SERINC5: variants seen among roughly 807,000 people sequenced by gnomAD.
The protein encoded by SERINC5 is serine incorporator 5.
SERINC5 carries 41 observed loss-of-function variants against 63.1 expected under a neutral mutation model. The observed-to-expected ratio is 0.65, with a 90% CI of 0.51 to 0.84. The LOEUF is 0.84. SERINC5 is among the 40% of genes least tolerant of loss of function. SERINC5 has a pLI of 0.00. For synonymous variants in SERINC5, 222 were observed against 215.2 expected, an observed-to-expected ratio of 1.03 and a Z score of -0.28; for missense variants, 523 against 573.0, an observed-to-expected ratio of 0.91 and a Z score of 0.89.
At position 80,140,392 on chromosome 5, in the gene SERINC5, A is replaced by C; in HGVS notation, c.*3271T>G. 2 of 984,550 alleles carry C rather than the reference A, an allele frequency of 2.0e-6. No individual in the cohort carries two copies. The highest frequency in any genetic ancestry group is 2.4e-6 in the Non-Finnish European group (2 of 829,696). The allele number at this position is 984,550 out of a possible 1,614,324, so 61.0% of individuals were successfully genotyped here. A position where few individuals can be genotyped will look rare whatever the true frequency, so the allele number is the denominator to read the frequency against. On this transcript the variant is annotated 3_prime_UTR_variant, in exon 12 of 12. Coordinates refer to ENST00000507668, the MANE Select transcript of SERINC5 (RefSeq NM_001174072.3). ...AATTAACATTACACTGAGGTTATTCATAATAAAGGATCTTCTGAGGAATCG... is the reference window on the plus strand; with the variant it reads ...AATTAACATTACACTGAGGTTATTCCTAATAAAGGATCTTCTGAGGAATCG...
chr5:80,173,278 GAAGA>G (rs1370184978), intron 5 of SERINC5, among the ~76,000 whole-genome samples: 19 of 126,836 alleles, frequency 1.5e-4, no homozygotes, highest in African/African-American at 5.6e-4. Context: ...AGGAAGGAAG[GAAGA>G]AAATGAAATG....
chr5:80,158,732 C>T, intron 8 of SERINC5, 104 bp downstream of exon 8: 3 of 1,102,872 alleles, frequency 2.7e-6, no homozygotes, highest in Non-Finnish European at 3.9e-6. Context: ...ATTTTCCCCC[C>T]TCCTCAAATG....
chr5:80,137,157 A>AC (rs796441688), downstream of SERINC5, among the ~76,000 whole-genome samples: 30 of 104,410 alleles, frequency 2.9e-4, no homozygotes, highest in African/African-American at 5.1e-4. Context: ...AAAAAAAAAA[A>AC]AAAAAACAAA....
chr5:80,249,210 G>C (rs1752291402), intron 1 of SERINC5, among the ~76,000 whole-genome samples: 1 of 152,094 alleles, frequency 6.6e-6, no homozygotes, highest in South Asian at 2.1e-4. Flanking sequence ...AGCTACTCGG[G>C]AGGCTGAGGC....
At chr5:80,226,778 G>T (rs908694652) in intron 1 of SERINC5, among the ~76,000 whole-genome samples, 2 of 152,138 alleles carry the variant, frequency 1.3e-5, no homozygotes, top group Admixed American at 6.5e-5. Context: ...TAGGTGCCAG[G>T]TAGGGTCCTC....
chr5:80,170,434 G>C (rs1397044769), intron 5 of SERINC5, among the ~76,000 whole-genome samples: 1 of 152,160 alleles, frequency 6.6e-6, no homozygotes, highest in African/African-American at 2.4e-5. Flanking sequence ...CTAATGTGTA[G>C]TCCTTTGACA....
At chr5:80,240,999 T>C (rs910592381) in intron 1 of SERINC5, among the ~76,000 whole-genome samples, 2 of 152,192 alleles carry the variant, frequency 1.3e-5, no homozygotes, top group African/African-American at 4.8e-5. Flanking sequence ...GCATAAAATA[T>C]TGTTTTTAAG....
chr5:80,178,003 A>G lies in SERINC5; in HGVS notation c.257T>C (p.Val86Ala). The G allele has an allele frequency of 6.2e-7, 1 of 1,612,754 alleles. No individual in the cohort carries two copies. Among genetic ancestry groups the G allele is most frequent in the Non-Finnish European group, 8.5e-7 (1 of 1,179,306 alleles). ...IKAGDTCEKLVGYSAVYRVCF... is the reference protein window; with the variant it reads ...IKAGDTCEKLAGYSAVYRVCF... ...GACTCTATACACGGCAGAATATCCC[A>G]CCAGCTTCTCACAGGTGTCACCAGC... The change falls in exon 3 of 12, where the codon GTG (valine) becomes GCG (alanine). Residue 86 changes from valine to alanine, a missense_variant. Coordinates refer to ENST00000507668, the MANE Select transcript of SERINC5 (RefSeq NM_001174072.3).
chr5:80,113,530 A>T (rs1744209200), intron 12 of SERINC5: 1 of 210,814 alleles, frequency 4.7e-6, no homozygotes, highest in Non-Finnish European at 9.7e-6. Flanking sequence ...TGATAAAGAC[A>T]TACCAGAGAC....
downstream of SERINC5, among the ~76,000 whole-genome samples, chr5:80,136,103 C>A (rs1473558335): frequency 6.6e-6 from 1 of 152,056 alleles, no homozygotes; most frequent in South Asian, 2.1e-4. Flanking sequence ...TGGCTCACAC[C>A]TGTAATCCCA....
chr5:80,127,283 C>T (rs999136859), intron 11 of SERINC5, among the ~76,000 whole-genome samples: 3 of 152,186 alleles, frequency 2.0e-5, no homozygotes, highest in Non-Finnish European at 4.4e-5. Flanking sequence ...TTGACCAATG[C>T]AATGATAACA....
chr5:80,117,354 C>T (rs547561355), intron 11 of SERINC5, among the ~76,000 whole-genome samples: 25 of 152,136 alleles, frequency 1.6e-4, no homozygotes, highest in East Asian at 1.5e-3. Context: ...AGAATTAGTG[C>T]GAGGCTTAAC....
At chr5:80,118,427 GC>G (rs1744415514) in intron 11 of SERINC5, among the ~76,000 whole-genome samples, 1 of 152,182 alleles carries the variant, frequency 6.6e-6, no homozygotes, top group Non-Finnish European at 1.5e-5. Flanking sequence ...AGTTCTGGAG[GC>G]TTGGAAGTCC....
intron 2 of SERINC5, among the ~76,000 whole-genome samples, chr5:80,183,973 T>A (rs1009690198): frequency 6.6e-6 from 1 of 152,210 alleles, no homozygotes; most frequent in African/African-American, 2.4e-5. Flanking sequence ...AATTTTTAGC[T>A]GTGTTTAAAC....
intron 1 of SERINC5, among the ~76,000 whole-genome samples, chr5:80,219,289 A>T (rs1750799166): frequency 6.6e-6 from 1 of 152,218 alleles, no homozygotes; most frequent in Non-Finnish European, 1.5e-5. Flanking sequence ...CTGGTTTAAC[A>T]GCTTTTTTCT....
At chr5:80,128,994 T>C (rs1056183035) in intron 11 of SERINC5, 2 of 152,254 alleles carry the variant, frequency 1.3e-5, no homozygotes, top group African/African-American at 2.4e-5. Context: ...CCAAACTCCT[T>C]GGTTCAAGAC....
At chr5:80,232,601 T>C (rs564148278) in intron 1 of SERINC5, among the ~76,000 whole-genome samples, 3 of 152,048 alleles carry the variant, frequency 2.0e-5, no homozygotes, top group South Asian at 4.2e-4. Context: ...CTGGCCAACA[T>C]AGTGAAGCCC....
intron 11 of SERINC5, 166 bp from the exon 12 acceptor site, chr5:80,143,976 C>T (rs1745667311): frequency 1.2e-6 from 1 of 816,780 alleles, no homozygotes; most frequent in Admixed American, 2.6e-5. Flanking sequence ...TCATCACCCC[C>T]AAAAGAAATC....
intron 2 of SERINC5, among the ~76,000 whole-genome samples, chr5:80,202,556 G>A (rs1386162540): frequency 6.6e-6 from 1 of 151,808 alleles, no homozygotes; most frequent in East Asian, 1.9e-4. Flanking sequence ...TTCACCACAA[G>A]GTAATATATC....
Sources: allele counts gnomAD v4.1 joint callset (sites outside exome capture counted in the v4.1 genomes callset), GRCh38; gene constraint gnomAD v4.1.1; transcripts MANE v1.5; gene names NCBI Gene and HGNC (gene_info 2026-07-23, HGNC 2026-07-21).